The following ERICH3 variants were observed in gnomAD, a reference collection of about 807,000 sequenced individuals.
ERICH3 encodes glutamate-rich protein 3.
ERICH3 carries 126 observed loss-of-function variants against 131.1 expected under a neutral mutation model. The ratio of observed to expected loss-of-function variants is 0.96; its 90% CI spans 0.83 to 1.11. The LOEUF is 1.11. Ranked by LOEUF, ERICH3 falls within the 50% of genes most tolerant of loss-of-function variation. ERICH3 has a pLI of 0.00. For missense variants in ERICH3, 2,050 were observed against 1,810.7 expected, an observed-to-expected ratio of 1.13 and a Z score of -2.40; for synonymous variants, 695 against 644.6, an observed-to-expected ratio of 1.08 and a Z score of -1.18.
At chr1:74,666,182 G>A (rs542332067) in intron 1 of ERICH3, among the ~76,000 whole-genome samples, 7 of 152,158 alleles carry the variant, frequency 4.6e-5, no homozygotes, top group Admixed American at 3.9e-4. Context: ...TGCTTTTACT[G>A]TCAGAAAAAA....
At chr1:74,630,812 G>T (rs888287729) in intron 7 of ERICH3, among the ~76,000 whole-genome samples, 1 of 151,786 alleles carries the variant, frequency 6.6e-6, no homozygotes, top group Admixed American at 6.6e-5. Context: ...GATCAAAGAC[G>T]CAGGGCAAGG....
chr1:74,593,822 C>T (rs962359356), intron 11 of ERICH3, among the ~76,000 whole-genome samples: 2 of 152,092 alleles, frequency 1.3e-5, no homozygotes, highest in Non-Finnish European at 2.9e-5. Flanking sequence ...TAGTAAGTAG[C>T]AAGTTTTTGT....
chr1:74,578,942 G>C (rs1647127229), intron 12 of ERICH3, among the ~76,000 whole-genome samples: 1 of 152,082 alleles, frequency 6.6e-6, no homozygotes, highest in Non-Finnish European at 1.5e-5. Context: ...AATGAAAAAG[G>C]GGAATAATAT....
intron 10 of ERICH3, 129 bp from the exon 11 acceptor site, chr1:74,600,060 G>T: frequency 1.6e-6 from 1 of 640,494 alleles, no homozygotes; most frequent in Non-Finnish European, 2.6e-6. Flanking sequence ...CTTCTTTTTC[G>T]TTCAATTAGT....
chr1:74,649,430 T>A, intron 1 of ERICH3, 115 bp from the exon 2 acceptor site: 2 of 671,808 alleles, frequency 3.0e-6, no homozygotes, highest in Admixed American at 2.5e-5. Flanking sequence ...AGCCTGCCAG[T>A]CATTCATATA....
chr1:74,631,367 G>A (rs1244464239), intron 7 of ERICH3, among the ~76,000 whole-genome samples: 3 of 151,920 alleles, frequency 2.0e-5, no homozygotes, highest in African/African-American at 7.3e-5. Context: ...GTATATCAAG[G>A]TTTCTGAATT....
At chr1:74,657,068 T>A (rs1483680295) in intron 1 of ERICH3, among the ~76,000 whole-genome samples, 1 of 152,212 alleles carries the variant, frequency 6.6e-6, no homozygotes, top group Non-Finnish European at 1.5e-5. Flanking sequence ...ATATCCTTTT[T>A]TAAAATCCAC....
intron 9 of ERICH3, among the ~76,000 whole-genome samples, chr1:74,611,690 C>T (rs576740297): frequency 4.7e-4 from 72 of 152,254 alleles, no homozygotes; most frequent in Non-Finnish European, 9.4e-4. Context: ...CTGCTTCATG[C>T]CTTCTGTATA....
intron 13 of ERICH3, 95 bp from the exon 14 acceptor site, chr1:74,573,586 G>T: frequency 7.7e-7 from 1 of 1,299,556 alleles, no homozygotes; most frequent in Non-Finnish European, 9.9e-7. Context: ...TACAGTGTGA[G>T]ATATTTATAT....
intron 3 of ERICH3, among the ~76,000 whole-genome samples, chr1:74,644,717 C>T (rs561020919): frequency 1.4e-4 from 21 of 152,222 alleles, no homozygotes; most frequent in African/African-American, 4.6e-4. Flanking sequence ...TTAGCCTACA[C>T]CCTTTGGCAA....
intron 1 of ERICH3, among the ~76,000 whole-genome samples, chr1:74,659,110 G>A (rs990721426): frequency 6.6e-6 from 1 of 152,134 alleles, no homozygotes; most frequent in Non-Finnish European, 1.5e-5. Flanking sequence ...AAACAATCAG[G>A]AAGAAAATGA....
Position 74,599,842 on chromosome 1 carries a change from G to C in ERICH3, c.1579C>G (p.Pro527Ala). The change falls in exon 11 of 15, where the codon CCG becomes GCG. Residue 527 changes from proline (P) to alanine (A), a missense_variant. Physicochemically the swap from Pro to Ala is conservative, Grantham distance 27. Coordinates refer to ENST00000326665, the MANE Select transcript of ERICH3 (RefSeq NM_001002912.5). The part of the protein sequence containing the change: ...GQADVQMNGI[P>A]QSPLDDKKDN... ...TTTTTATCATCCAAAGGTGACTGCG[G>C]TATTCCATTCATTTGAACATCAGCC... 1 of 1,612,270 alleles carries C rather than the reference G, an allele frequency of 6.2e-7. No homozygotes were observed. The highest frequency in any genetic ancestry group is 1.7e-5 in the Admixed American group (1 of 59,816).
intron 5 of ERICH3, among the ~76,000 whole-genome samples, chr1:74,640,441 G>A (rs1646428074): frequency 6.6e-6 from 1 of 152,234 alleles, no homozygotes; most frequent in South Asian, 2.1e-4. Context: ...TATATGTGAT[G>A]AACCTACTTC....
chr1:74,615,055 G>A (rs908542065), intron 8 of ERICH3, among the ~76,000 whole-genome samples: 1 of 152,182 alleles, frequency 6.6e-6, no homozygotes, highest in African/African-American at 2.4e-5. Context: ...CCCTAGAAGT[G>A]ACTGCCCTTC....
At chr1:74,590,731 A>G (rs1416809872) in intron 11 of ERICH3, among the ~76,000 whole-genome samples, 1 of 152,170 alleles carries the variant, frequency 6.6e-6, no homozygotes, top group Non-Finnish European at 1.5e-5. Flanking sequence ...TGGACCCTGT[A>G]CCAGTCCGTG....
chr1:74,617,577 A>T (rs1203244711), intron 8 of ERICH3, among the ~76,000 whole-genome samples: 1 of 152,248 alleles, frequency 6.6e-6, no homozygotes, highest in African/African-American at 2.4e-5. Context: ...ACGCTAAGTG[A>T]GTGTAAAAAG....
At chr1:74,576,761 G>T in intron 13 of ERICH3, 134 bp downstream of exon 13, 1 of 743,798 alleles carries the variant, frequency 1.3e-6, no homozygotes, top group Non-Finnish European at 2.2e-6. Context: ...ATTCAAATAA[G>T]CACACTTCTT....
chr1:74,622,456 G>A (rs1040813897), intron 7 of ERICH3: 10 of 152,214 alleles, frequency 6.6e-5, no homozygotes, highest in African/African-American at 2.4e-4. Flanking sequence ...ACTCCTACTT[G>A]GAAAATCATA....
At chr1:74,614,827 T>A (rs1648888105) in intron 8 of ERICH3, among the ~76,000 whole-genome samples, 1 of 152,186 alleles carries the variant, frequency 6.6e-6, no homozygotes, top group Non-Finnish European at 1.5e-5. Flanking sequence ...CTGGGAAAAC[T>A]AGGATACAAT....
Sources: allele counts gnomAD v4.1 joint callset (sites outside exome capture counted in the v4.1 genomes callset), GRCh38; gene constraint gnomAD v4.1.1; transcripts MANE v1.5; gene names NCBI Gene and HGNC (gene_info 2026-07-23, HGNC 2026-07-21).